Variants in RSPO2 observed in about 807,000 individuals in gnomAD.
RSPO2 encodes the protein R-spondin-2.
A neutral mutation model predicts 30.9 loss-of-function variants in RSPO2; 14 were observed. That is an observed-to-expected ratio of 0.45 (90% CI 0.30 to 0.71). The LOEUF is 0.71. RSPO2 is among the 30% of genes least tolerant of loss of function. The probability of loss-of-function intolerance (pLI) is 0.08; values close to 1 mark genes in which losing one functional copy is unlikely to be tolerated. For missense variants in RSPO2, 264 were observed against 301.9 expected (o/e 0.87, Z 0.93); for synonymous variants, 107 against 96.4 (o/e 1.11, Z -0.64).
At chr8:108,031,015 C>T (rs1042222195) in intron 2 of RSPO2, among the ~76,000 whole-genome samples, 1 of 152,146 alleles carries the variant, frequency 6.6e-6, no homozygotes, top group African/African-American at 2.4e-5. Flanking sequence ...ATCAAGATGA[C>T]TACTTTATAC....
chr8:107,902,480 A>T (rs1032028808), intron 5 of RSPO2, among the ~76,000 whole-genome samples: 1 of 152,114 alleles, frequency 6.6e-6, no homozygotes, highest in Non-Finnish European at 1.5e-5. Context: ...TAGCAGGCCA[A>T]TTTTTCAATC....
At chr8:108,039,189 A>T (rs1007627923) in intron 2 of RSPO2, among the ~76,000 whole-genome samples, 4 of 152,138 alleles carry the variant, frequency 2.6e-5, no homozygotes, top group Admixed American at 2.6e-4. Context: ...AGTGATTCTC[A>T]TCTTCATATA....
intron 2 of RSPO2, among the ~76,000 whole-genome samples, chr8:108,036,421 C>G (rs1811597925): frequency 6.6e-6 from 1 of 152,206 alleles, no homozygotes; most frequent in Non-Finnish European, 1.5e-5. Flanking sequence ...AACTGACCAT[C>G]TTTCAAGTTT....
intron 2 of RSPO2, among the ~76,000 whole-genome samples, chr8:108,021,215 TG>T: frequency 6.6e-6 from 1 of 152,310 alleles, no homozygotes. Context: ...ATCATTGACT[TG>T]AAAGGCAAAT....
At chr8:108,067,327 G>A (rs535863368) in intron 2 of RSPO2, among the ~76,000 whole-genome samples, 1 of 152,114 alleles carries the variant, frequency 6.6e-6, no homozygotes, top group African/African-American at 2.4e-5. Context: ...AATTTTGTCA[G>A]GTAGATTAAT....
At chr8:108,001,863 T>TCA (rs1178660756) in intron 2 of RSPO2, among the ~76,000 whole-genome samples, 1 of 151,930 alleles carries the variant, frequency 6.6e-6, no homozygotes, top group African/African-American at 2.4e-5. Flanking sequence ...GAGGGGAACA[T>TCA]CACACACCAG....
At chr8:107,976,981 G>C (rs189517226) in intron 3 of RSPO2, among the ~76,000 whole-genome samples, 19 of 152,294 alleles carry the variant, frequency 1.2e-4, no homozygotes, top group Admixed American at 1.2e-3. Flanking sequence ...AAATCTTAGA[G>C]AAGGAAGAAA....
chr8:107,962,103 C>G (rs1813646222), intron 3 of RSPO2, among the ~76,000 whole-genome samples: 1 of 152,132 alleles, frequency 6.6e-6, no homozygotes. Flanking sequence ...TATGAAAACT[C>G]TGTGACATCA....
chr8:108,072,836 C>A (rs940349020), intron 2 of RSPO2, among the ~76,000 whole-genome samples: 2 of 152,050 alleles, frequency 1.3e-5, no homozygotes, highest in Non-Finnish European at 2.9e-5. Flanking sequence ...ATAAATAGGT[C>A]CCTCTATAAA....
intron 2 of RSPO2, among the ~76,000 whole-genome samples, chr8:108,030,119 G>GAA (rs11434221): frequency 0.082 from 5,794 of 70,610 alleles, 404 homozygotes; most frequent in African/African-American, 0.12. Flanking sequence ...GGATAGATAG[G>GAA]AAAAAAAAAA....
chr8:108,057,158 G>A (rs1390917912), intron 2 of RSPO2, among the ~76,000 whole-genome samples: 1 of 145,794 alleles, frequency 6.9e-6, no homozygotes, highest in Non-Finnish European at 1.5e-5. Context: ...ATACTGAAAT[G>A]GTTAACTGCC....
At chr8:107,946,270 G>A (rs1175436164) in intron 5 of RSPO2, among the ~76,000 whole-genome samples, 2 of 152,172 alleles carry the variant, frequency 1.3e-5, no homozygotes. Context: ...AAACTTGTCT[G>A]GTTCATACAT....
chr8:108,028,820 A>G (rs181030037), intron 2 of RSPO2, among the ~76,000 whole-genome samples: 11 of 152,306 alleles, frequency 7.2e-5, no homozygotes, highest in African/African-American at 1.9e-4. Flanking sequence ...GGCAAGTGAG[A>G]GGAATGATGT....
Position 108,005,696 on chromosome 8 carries a change from C to T in RSPO2, c.95-16452G>A, listed in dbSNP as rs192734278. ...TTTTAAGTTGTATTTTATGTGCATA[C>T]TATCAAGTGCTTTGGGGTAGAGAAG... is the stretch of plus-strand genomic sequence containing the variant. On this transcript the variant is annotated intron_variant, in intron 2 of 5. Coordinates refer to ENST00000276659, the MANE Select transcript of RSPO2 (RefSeq NM_178565.5). 2.0e-5 allele frequency among the ~76,000 whole-genome samples: 3 copies of T among 152,236 alleles called. No individual in the cohort carries two copies. In the East Asian group the frequency reaches 5.8e-4, roughly 29 times the overall value.
chr8:108,065,289 G>GAAAAA (rs533689799), intron 2 of RSPO2, among the ~76,000 whole-genome samples: 6 of 78,262 alleles, frequency 7.7e-5, no homozygotes, highest in Non-Finnish European at 5.6e-5. Context: ...CTCAGAAATT[G>GAAAAA]AAAAAAAAAA....
intron 2 of RSPO2, among the ~76,000 whole-genome samples, chr8:108,018,069 T>A (rs558521057): frequency 1.3e-5 from 2 of 152,342 alleles, no homozygotes; most frequent in East Asian, 3.9e-4. Flanking sequence ...TTATTTTGCA[T>A]AATATTTTTA....
At chr8:108,008,410 T>A (rs1192101314) in intron 2 of RSPO2, among the ~76,000 whole-genome samples, 2 of 152,136 alleles carry the variant, frequency 1.3e-5, no homozygotes, top group Non-Finnish European at 2.9e-5. Flanking sequence ...CAGAAGTAAC[T>A]GACTGCCTGG....
chr8:107,900,289 A>AAAAACTAGTTTATCC lies in RSPO2; in HGVS notation c.*771_*785dup, dbSNP rs945642160. On this transcript the variant is annotated 3_prime_UTR_variant, in exon 6 of 6. Transcript: ENST00000276659. ...ACACTGGTCATTTGACTCTATATAC[A>AAAAACTAGTTTATCC]AAAACTAGTTTATCCTACCCTTACA... 2 of 152,116 alleles carry AAAAACTAGTTTATCC rather than the reference A, an allele frequency of 1.3e-5. No homozygotes were observed. Among genetic ancestry groups the AAAAACTAGTTTATCC allele is most frequent in the African/African-American group, 4.8e-5 (2 of 41,416 alleles). The allele number at this position is 152,116 out of a possible 1,614,324, so 9.4% of individuals were successfully genotyped here.
At chr8:107,921,292 ACACAC>A (rs1424988846) in intron 5 of RSPO2, among the ~76,000 whole-genome samples, 1 of 151,700 alleles carries the variant, frequency 6.6e-6, no homozygotes, top group Non-Finnish European at 1.5e-5. Flanking sequence ...ACACACACAC[ACACAC>A]ACACACACAC....
Sources: gnomAD v4.1 joint callset for allele counts (sites outside exome capture counted in the v4.1 genomes callset) on GRCh38, gnomAD v4.1.1 for gene constraint, MANE v1.5 for transcripts, NCBI Gene and HGNC (gene_info 2026-07-23, HGNC 2026-07-21) for gene names.